Variants in BCLAF3 observed in about 807,000 individuals in gnomAD.
BCLAF3 encodes the protein transient octamer binding factor 1.
BCLAF3 carries 24 observed loss-of-function variants against 51.2 expected under a neutral mutation model. The observed-to-expected ratio is 0.47, with a 90% CI of 0.34 to 0.66. The LOEUF is 0.66. Ranked by LOEUF, BCLAF3 falls within the 30% of genes least tolerant of loss-of-function variation. The pLI, the probability that BCLAF3 is intolerant of heterozygous loss-of-function variation, is 0.01. For missense variants in BCLAF3, 465 were observed against 525.1 expected (o/e 0.89, Z 1.12); for synonymous variants, 152 against 176.6 (o/e 0.86, Z 1.10).
intron 1 of BCLAF3, among the ~76,000 whole-genome samples, chrX:19,973,339 GA>G (rs770003805): frequency 4.9e-4 from 54 of 110,887 alleles, no homozygotes; most frequent in African/African-American, 1.6e-3. Flanking sequence ...TAATTCAAAA[GA>G]AAAAAATCAG....
At chrX:19,929,466 C>T (rs949765401) in intron 11 of BCLAF3, 24 of 141,836 alleles carry the variant, frequency 1.7e-4, no homozygotes, top group Non-Finnish European at 3.0e-4. Context: ...GATTAAAATA[C>T]ATCAATTAAA....
At chrX:19,966,908 C>A (rs1569508343) in intron 2 of BCLAF3, among the ~76,000 whole-genome samples, 1 of 111,256 alleles carries the variant, frequency 9.0e-6, no homozygotes, top group Admixed American at 9.6e-5. Flanking sequence ...ACACCTGTCC[C>A]ATTGGAGGAG....
chrX:19,967,822 G>A (rs1168347448), intron 2 of BCLAF3, among the ~76,000 whole-genome samples: 1 of 112,238 alleles, frequency 8.9e-6, no homozygotes, highest in African/African-American at 3.2e-5. Flanking sequence ...CAAGAAAGGA[G>A]GCAGATCTAC....
In BCLAF3 at chrX:19,917,295, C is replaced by A; in HGVS notation, c.*10G>T. ...TCCTGTAGCGTCATTTCCATTTGTA[C>A]GATTTCAGATTAGATTCCTGTGGCA... is the stretch of plus-strand genomic sequence containing the variant. On this transcript the variant is annotated 3_prime_UTR_variant, in exon 12 of 12. Transcript: ENST00000379682. 8.4e-7 allele frequency: 1 copy of A among 1,197,565 alleles called. No homozygotes were observed. Among genetic ancestry groups the A allele is most frequent in the Non-Finnish European group, 1.1e-6 (1 of 884,594 alleles).
At chrX:19,931,388 T>G (rs2070547739) in intron 10 of BCLAF3, among the ~76,000 whole-genome samples, 1 of 111,777 alleles carries the variant, frequency 8.9e-6, no homozygotes, top group African/African-American at 3.2e-5. Context: ...GGAGCAGTGG[T>G]GCAAAGGTTC....
At chrX:19,976,202 C>A (rs2072417595) in intron 1 of BCLAF3, among the ~76,000 whole-genome samples, 1 of 111,769 alleles carries the variant, frequency 8.9e-6, no homozygotes, top group Non-Finnish European at 1.9e-5. Flanking sequence ...CAGTAAATGG[C>A]AGCTCCACCC....
At chrX:19,966,012 A>G in intron 3 of BCLAF3, 68 bp downstream of exon 3, 3 of 1,009,217 alleles carry the variant, frequency 3.0e-6, no homozygotes, top group Non-Finnish European at 4.0e-6. Flanking sequence ...ATCTTCAACC[A>G]TAAAGTAAAC....
chrX:19,978,537 T>C (rs190470143), intron 1 of BCLAF3, among the ~76,000 whole-genome samples: 1 of 112,415 alleles, frequency 8.9e-6, no homozygotes, highest in Non-Finnish European at 1.9e-5. Context: ...CAGAGTTGCT[T>C]CTTACAGATG....
chrX:19,981,341 G>A (rs1237051186), intron 1 of BCLAF3, among the ~76,000 whole-genome samples: 2 of 111,505 alleles, frequency 1.8e-5, no homozygotes, highest in Admixed American at 9.5e-5. Flanking sequence ...ACAAAGCAAC[G>A]TTATTTCCAA....
chrX:19,921,519 C>A (rs1182905300), intron 11 of BCLAF3, among the ~76,000 whole-genome samples: 1 of 111,452 alleles, frequency 9.0e-6, no homozygotes, highest in Non-Finnish European at 1.9e-5. Flanking sequence ...GCCTGGCCAA[C>A]ATGGTGAAAC....
chrX:19,949,128 G>A (rs2071398973), intron 8 of BCLAF3, among the ~76,000 whole-genome samples: 1 of 111,583 alleles, frequency 9.0e-6, no homozygotes, highest in African/African-American at 3.3e-5. Flanking sequence ...AAGACAGCTT[G>A]TAGGAACACA....
At chrX:19,980,524 A>G (rs1198415924) in intron 1 of BCLAF3, among the ~76,000 whole-genome samples, 3 of 112,419 alleles carry the variant, frequency 2.7e-5, no homozygotes, top group Non-Finnish European at 5.6e-5. Flanking sequence ...GATGAGCTTT[A>G]TTCAACTAAA....
intron 11 of BCLAF3, 83 bp downstream of exon 11, chrX:19,929,702 G>T (rs2070475111): frequency 1.0e-6 from 1 of 986,917 alleles, no homozygotes; most frequent in African/African-American, 2.0e-5. Flanking sequence ...AATTAAATGA[G>T]AAACCAATTT....
chrX:19,966,070 T>A lies in BCLAF3; in HGVS notation c.611+10A>T. 1 of 1,184,611 alleles carries A rather than the reference T, an allele frequency of 8.4e-7. No homozygotes were observed. The highest frequency in any genetic ancestry group is 1.1e-6 in the Non-Finnish European group (1 of 882,471). ...ATACCAAATTACCCAGGTTTAATGT[T>A]TTCCTATACCTCTTCTGAAATGAGC... On this transcript the variant is annotated intron_variant, in intron 3 of 11. Coordinates refer to ENST00000379682, the MANE Select transcript of BCLAF3 (RefSeq NM_001367774.2).
chrX:19,974,416 C>G (rs767662502), intron 1 of BCLAF3, among the ~76,000 whole-genome samples: 75 of 111,797 alleles, frequency 6.7e-4, no homozygotes, highest in Non-Finnish European at 1.1e-3. Flanking sequence ...CTAGCAGGTT[C>G]CCAGGTGATG....
At chrX:19,928,754 GA>G (rs2070445086) in intron 11 of BCLAF3, among the ~76,000 whole-genome samples, 1 of 111,422 alleles carries the variant, frequency 9.0e-6, no homozygotes, top group African/African-American at 3.3e-5. Flanking sequence ...TAAAAAGAAG[GA>G]AATCCTGTCA....
At chrX:19,929,250 T>C (rs2070461910) in intron 11 of BCLAF3, 1 of 111,889 alleles carries the variant, frequency 8.9e-6, no homozygotes, top group Admixed American at 9.6e-5. Flanking sequence ...GATGATTGCA[T>C]AGCACTGTGA....
At chrX:19,917,550 C>T (rs1569498052) in intron 11 of BCLAF3, among the ~76,000 whole-genome samples, 1 of 111,402 alleles carries the variant, frequency 9.0e-6, no homozygotes, top group Non-Finnish European at 1.9e-5. Flanking sequence ...ACAAAGAAAA[C>T]ATGTGGTGCT....
chrX:19,951,330 G>T (rs376744763), intron 7 of BCLAF3, among the ~76,000 whole-genome samples: 1 of 111,276 alleles, frequency 9.0e-6, no homozygotes, highest in East Asian at 2.8e-4. Flanking sequence ...GGGCGCAGTG[G>T]CTCATGCCTG....
Sources: allele counts gnomAD v4.1 joint callset (sites outside exome capture counted in the v4.1 genomes callset), GRCh38; gene constraint gnomAD v4.1.1; transcripts MANE v1.5; gene names NCBI Gene and HGNC (gene_info 2026-07-23, HGNC 2026-07-21).